Variants in ANK3 observed in about 807,000 individuals in gnomAD.
The protein encoded by ANK3 is ankyrin-3.
In ANK3, 57 loss-of-function variants were observed where a neutral mutation model predicts 370.9. The observed-to-expected ratio is 0.15, with a 90% CI of 0.12 to 0.19. The LOEUF (loss-of-function observed/expected upper bound fraction) is 0.19, where lower values mean the gene tolerates loss of function less well. Among genes scored for constraint, ANK3 ranks in the 10% least tolerant of loss-of-function variants. ANK3 has a pLI of 1.00. For synonymous variants in ANK3, 1,929 were observed against 1,946.3 expected, an observed-to-expected ratio of 0.99 and a Z score of 0.23; for missense variants, 4,439 against 5,302.1, an observed-to-expected ratio of 0.84 and a Z score of 5.06.
At chr10:60,288,145 C>T (rs2040462664) in intron 1 of ANK3, among the ~76,000 whole-genome samples, 1 of 152,104 alleles carries the variant, frequency 6.6e-6, no homozygotes, top group South Asian at 2.1e-4. Context: ...TTAGTAATAA[C>T]AGTAATGCCC....
At chr10:60,048,890 T>C (rs911632545) in intron 42 of ANK3, among the ~76,000 whole-genome samples, 1 of 152,194 alleles carries the variant, frequency 6.6e-6, no homozygotes, top group Non-Finnish European at 1.5e-5. Context: ...CACAGTAATT[T>C]TAGTCTCAAT....
At chr10:60,522,117 A>T (rs992937877) in intron 2 of ANK3, among the ~76,000 whole-genome samples, 9 of 152,080 alleles carry the variant, frequency 5.9e-5, no homozygotes, top group African/African-American at 2.2e-4. Flanking sequence ...GAAATAAACC[A>T]CATGCCTAAA....
At position 60,661,735 on chromosome 10, in the gene ANK3, A is replaced by G. The variant is rs922824596; in HGVS notation, c.58-46511T>C. Among the ~76,000 whole-genome samples the G allele has an allele frequency of 2.6e-5, 4 of 152,316 alleles. No individual in the cohort carries two copies. The South Asian group carries it at 8.3e-4, about 32-fold the overall frequency. The stretch of plus-strand genomic sequence containing the variant: ...GATGAATGGCAAACATTTTGTTTCC[A>G]GGCGTAGCTGCAAGAAAAAGCATCT... On this transcript the variant is annotated intron_variant, in intron 1 of 43. Coordinates refer to the ANK3 transcript ENST00000373827.
intron 1 of ANK3, among the ~76,000 whole-genome samples, chr10:60,669,622 G>T (rs2079041612): frequency 6.6e-6 from 1 of 152,060 alleles, no homozygotes; most frequent in African/African-American, 2.4e-5. Context: ...CAGCAGCCTT[G>T]AACAGTTGAC....
At chr10:60,120,668 T>A (rs1185640082) in intron 25 of ANK3, among the ~76,000 whole-genome samples, 1 of 151,846 alleles carries the variant, frequency 6.6e-6, no homozygotes, top group African/African-American at 2.4e-5. Flanking sequence ...AAGAACTGAA[T>A]AGACATTTCT....
chr10:60,102,167 G>A (rs2091382735), intron 28 of ANK3, among the ~76,000 whole-genome samples: 1 of 149,236 alleles, frequency 6.7e-6, no homozygotes, highest in Non-Finnish European at 1.5e-5. Context: ...AGGTACACAG[G>A]TTGGCAACTA....
At chr10:60,672,814 C>T (rs2079078717) in intron 1 of ANK3, among the ~76,000 whole-genome samples, 1 of 152,078 alleles carries the variant, frequency 6.6e-6, no homozygotes, top group Non-Finnish European at 1.5e-5. Context: ...CTTGTGAGAC[C>T]TTGCACTTAA....
intron 2 of ANK3, among the ~76,000 whole-genome samples, chr10:60,560,827 A>G (rs923904359): frequency 6.6e-6 from 1 of 152,238 alleles, no homozygotes; most frequent in African/African-American, 2.4e-5. Context: ...TTGCTTGAAT[A>G]CACGATTCAC....
In ANK3 at chr10:60,455,196, G is replaced by A. The variant is rs188112421; in HGVS notation, c.96+159990C>T. On this transcript the variant is annotated intron_variant, in intron 2 of 43. Coordinates refer to the ANK3 transcript ENST00000373827. Reference sequence around the variant, plus strand: ...TTTACCCACTACAAAATTAGTTAGTGAGAATAATAAGGTTGCTTTTAATTT... The same window carrying A: ...TTTACCCACTACAAAATTAGTTAGTAAGAATAATAAGGTTGCTTTTAATTT... Among the ~76,000 whole-genome samples, 13 of 152,280 alleles carry A rather than the reference G, an allele frequency of 8.5e-5. No homozygotes were observed. In the East Asian group the frequency reaches 2.1e-3, roughly 25 times the overall value.
intron 2 of ANK3, among the ~76,000 whole-genome samples, chr10:60,529,761 C>T (rs748522651): frequency 1.2e-4 from 19 of 152,182 alleles, no homozygotes; most frequent in Non-Finnish European, 2.1e-4. Flanking sequence ...AGCATTTAGA[C>T]ATTACATTAA....
At chr10:60,226,055 A>G (rs986949876) in intron 8 of ANK3, among the ~76,000 whole-genome samples, 20 of 142,962 alleles carry the variant, frequency 1.4e-4, no homozygotes, top group African/African-American at 4.1e-4. Context: ...GAGAGTGTAT[A>G]TAGTATATAT....
Position 60,348,369 on chromosome 10 carries a change from A to ACC in ANK3, c.114+41055_114+41056insGG, listed in dbSNP as rs556542618. On this transcript the variant is annotated intron_variant, in intron 1 of 43. Transcript: ENST00000280772. ...AGCCAAAAAAAAAAAAAAAAAAAAA[A>ACC]ACACAAAAAACAAAAAAAACGAACT... is the stretch of plus-strand genomic sequence containing the variant. Among the ~76,000 whole-genome samples, 228 of 128,058 alleles carry ACC rather than the reference A, an allele frequency of 1.8e-3. 2 individuals are homozygous for ACC. Among genetic ancestry groups the ACC allele is most frequent in the African/African-American group, 6.1e-3 (215 of 35,354 alleles). 84.0% of individuals were successfully genotyped at this position (128,058 alleles called of 152,430 possible).
At chr10:60,057,954 T>G (rs535045618) in intron 41 of ANK3, among the ~76,000 whole-genome samples, 4 of 152,348 alleles carry the variant, frequency 2.6e-5, no homozygotes, top group African/African-American at 9.6e-5. Flanking sequence ...GAATTTTTAT[T>G]GAGCAAGAAG....
chr10:60,355,081 G>GA (rs1425293208), intron 1 of ANK3, among the ~76,000 whole-genome samples: 2 of 152,000 alleles, frequency 1.3e-5, no homozygotes, highest in Non-Finnish European at 2.9e-5. Flanking sequence ...TAGTACATAA[G>GA]AAAAAAGACT....
intron 32 of ANK3, 71 bp from the exon 33 acceptor site, chr10:60,083,688 G>T: frequency 7.3e-7 from 1 of 1,363,470 alleles, no homozygotes. Context: ...TTTATGTCAC[G>T]TAACGTTAAA....
chr10:60,330,905 G>A (rs190631629), intron 1 of ANK3, among the ~76,000 whole-genome samples: 4,906 of 152,172 alleles, frequency 0.032, 260 homozygotes, highest in African/African-American at 0.11. Context: ...AGAAAATGTG[G>A]CACATATACC....
chr10:60,086,479 C>T (rs1252053999), intron 30 of ANK3, 198 bp downstream of exon 30: 7 of 483,810 alleles, frequency 1.4e-5, no homozygotes, highest in Non-Finnish European at 2.5e-5. Flanking sequence ...AGACCAGGAT[C>T]TTGACCAGGA....
chr10:60,634,074 T>C (rs142740206), intron 1 of ANK3, among the ~76,000 whole-genome samples: 1 of 152,208 alleles, frequency 6.6e-6, no homozygotes, highest in East Asian at 1.9e-4. Flanking sequence ...TGTAACTATT[T>C]GAGTGGAGAA....
chr10:60,146,493 T>C (rs1205382189), intron 23 of ANK3, among the ~76,000 whole-genome samples: 1 of 152,130 alleles, frequency 6.6e-6, no homozygotes, highest in Non-Finnish European at 1.5e-5. Flanking sequence ...TGTTGCTCCC[T>C]TCTTCTTTCT....
Sources: gnomAD v4.1 joint callset for allele counts (sites outside exome capture counted in the v4.1 genomes callset) on GRCh38, gnomAD v4.1.1 for gene constraint, MANE v1.5 for transcripts, NCBI Gene and HGNC (gene_info 2026-07-23, HGNC 2026-07-21) for gene names.